Variants in FGD5 observed in about 807,000 individuals in gnomAD.
FGD5 encodes the protein FYVE, RhoGEF and PH domain containing 5.
In FGD5, 28 loss-of-function variants were observed where a neutral mutation model predicts 133.4. The ratio of observed to expected loss-of-function variants is 0.21; its 90% CI spans 0.16 to 0.29. The LOEUF (loss-of-function observed/expected upper bound fraction) is 0.29, where lower values mean the gene tolerates loss of function less well. Ranked by LOEUF, FGD5 falls within the 10% of genes least tolerant of loss-of-function variation. The pLI, the probability that FGD5 is intolerant of heterozygous loss-of-function variation, is 1.00. For synonymous variants in FGD5, 810 were observed against 776.5 expected (o/e 1.04, Z -0.72); for missense variants, 1,858 against 1,895.2 (o/e 0.98, Z 0.36).
At position 14,929,075 on chromosome 3, in the gene FGD5, ATT is replaced by A. The variant is rs2038861924; in HGVS notation, c.4197+2878_4197+2879del. 4.6e-5 allele frequency among the ~76,000 whole-genome samples: 7 copies of A among 152,144 alleles called. No homozygotes were observed. The South Asian group carries it at 6.2e-4, about 13-fold the overall frequency. On this transcript the variant is annotated intron_variant, in intron 18 of 19. Coordinates refer to ENST00000285046, the MANE Select transcript of FGD5 (RefSeq NM_152536.4). Reference sequence around the variant, plus strand: ...CTGTTCCAATTCTTTTCCACCATAGATTAGTTTTGCCTCTTGATCCTCAAACA... The same window carrying A: ...CTGTTCCAATTCTTTTCCACCATAGAAGTTTTGCCTCTTGATCCTCAAACA...
chr3:14,870,557 G>C (rs773298386), intron 2 of FGD5, among the ~76,000 whole-genome samples: 3 of 152,078 alleles, frequency 2.0e-5, no homozygotes, highest in African/African-American at 7.2e-5. Flanking sequence ...GTTCTCCTTC[G>C]TTTCTGACTG....
chr3:14,820,200 G>A lies in FGD5; in HGVS notation c.1129G>A (p.Ala377Thr), dbSNP rs552194479. ...ESAKGLESEQ[A>T]PKLGLRAEEN... ...AGCGAAAGGTTTAGAATCAGAGCAG[G>A]CACCAAAGCTGGGGCTGCGTGCGGA... The change falls in exon 1 of 20, where the codon GCA becomes ACA. Residue 377 changes from alanine (A) to threonine (T), a missense_variant. Ala to Thr is a moderately conservative substitution (Grantham distance 58). This residue lies in a region of FGD5 where 1,824 missense variants were observed against 1,848.9 expected (regional missense o/e 0.99). Transcript: ENST00000285046. The A allele has an allele frequency of 1.1e-5, 17 of 1,612,288 alleles. No individual in the cohort carries two copies. The highest frequency in any genetic ancestry group is 1.4e-5 in the Non-Finnish European group (17 of 1,178,790).
At chr3:14,888,291 C>A (rs1369667189) in intron 4 of FGD5, among the ~76,000 whole-genome samples, 2 of 152,148 alleles carry the variant, frequency 1.3e-5, no homozygotes, top group Non-Finnish European at 2.9e-5. Context: ...CTGAGCAAAT[C>A]TGAAGTCGAA....
intron 1 of FGD5, among the ~76,000 whole-genome samples, chr3:14,851,696 AG>A (rs991637164): frequency 2.6e-5 from 4 of 152,286 alleles, no homozygotes; most frequent in African/African-American, 9.6e-5. Flanking sequence ...AGGTTCCTGA[AG>A]ATCTTCTAAA....
intron 4 of FGD5, among the ~76,000 whole-genome samples, chr3:14,884,487 A>G (rs1410606468): frequency 6.6e-6 from 1 of 152,150 alleles, no homozygotes; most frequent in East Asian, 1.9e-4. Flanking sequence ...GAATGCATTC[A>G]CATCTCACAG....
At chr3:14,892,423 T>C (rs2038047447) in intron 4 of FGD5, among the ~76,000 whole-genome samples, 1 of 152,002 alleles carries the variant, frequency 6.6e-6, no homozygotes, top group Admixed American at 6.6e-5. Flanking sequence ...TCCATCCAAC[T>C]CTTAGTCTCA....
intron 2 of FGD5, among the ~76,000 whole-genome samples, chr3:14,878,562 CTATA>C (rs2037763985): frequency 6.6e-6 from 1 of 152,162 alleles, no homozygotes. Context: ...GAGAGATTCT[CTATA>C]TAGACACTCA....
chr3:14,918,619 C>G, intron 12 of FGD5, 135 bp from the exon 13 acceptor site: 1 of 823,222 alleles, frequency 1.2e-6, no homozygotes, highest in Non-Finnish European at 2.0e-6. Context: ...CCTACCATCA[C>G]AGAAAGGTAT....
chr3:14,819,697 C>G lies in FGD5; in HGVS notation c.626C>G (p.Thr209Ser), dbSNP rs2036442140. 6.5e-7 allele frequency: 1 copy of G among 1,537,552 alleles called. No individual in the cohort carries two copies. Among genetic ancestry groups the G allele is most frequent in the South Asian group, 1.2e-5 (1 of 81,322 alleles). Residue 209 changes from threonine (T) to serine (S), a missense_variant, in exon 1 of 20, where the codon ACC becomes AGC. Thr to Ser is a moderately conservative substitution (Grantham distance 58). Around this residue, in one of 3 missense-constraint regions of FGD5, gnomAD observed 1,824 missense variants for 1,848.9 expected, o/e 0.99. Coordinates refer to ENST00000285046, the MANE Select transcript of FGD5 (RefSeq NM_152536.4). The surrounding 1 kb of genome is among the most constrained non-coding windows in gnomAD (Gnocchi z 4.1). ...IHGEDQEPPD[T>S]PGEAEEDDEE... ...GGAGAGGACCAGGAGCCCCCCGACACCCCCGGGGAGGCAGAGGAGGATGAT... is the reference window on the plus strand; with the variant it reads ...GGAGAGGACCAGGAGCCCCCCGACAGCCCCGGGGAGGCAGAGGAGGATGAT...
At chr3:14,878,555 A>T (rs6809979) in intron 2 of FGD5, among the ~76,000 whole-genome samples, 2 of 151,912 alleles carry the variant, frequency 1.3e-5, no homozygotes, top group African/African-American at 2.4e-5. Context: ...CAAGTGTGAG[A>T]GATTCTCTAT....
chr3:14,888,002 C>A (rs1349734924), intron 4 of FGD5, among the ~76,000 whole-genome samples: 1 of 148,404 alleles, frequency 6.7e-6, no homozygotes. Context: ...CCCATCACTA[C>A]AAAAAAAAAA....
chr3:14,898,598 G>C, intron 6 of FGD5, 141 bp from the exon 7 acceptor site: 1 of 676,788 alleles, frequency 1.5e-6, no homozygotes, highest in Non-Finnish European at 2.6e-6. Context: ...CGCAGGAGGA[G>C]AACCTGGTTT....
rs1402867647 is a variant in FGD5, at chr3:14,819,217, G to T, written c.146G>T (p.Gly49Val). The change falls in exon 1 of 20, where the codon GGG becomes GTG. Residue 49 changes from glycine (G) to valine (V), a missense_variant. Transcript: ENST00000285046. This position sits in a 1 kb window ranked among gnomAD's most constrained non-coding sequence, Gnocchi z 4.1. ...TGTGTAGACAGGGGGCTTGATGAGG[G>T]GCCCCGGTCCATCCCAAAGTGCTCT... ...LPCVDRGLDEGPRSIPKCSES... is the reference protein window; with the variant it reads ...LPCVDRGLDEVPRSIPKCSES... 6.5e-7 allele frequency: 1 copy of T among 1,548,468 alleles called. No individual in the cohort carries two copies. Among genetic ancestry groups the T allele is most frequent in the Admixed American group, 2.0e-5 (1 of 50,310 alleles).
In FGD5 at chr3:14,897,333, G is replaced by T. The variant is rs540139929; in HGVS notation, c.2749-176G>T. On this transcript the variant is annotated intron_variant, in intron 4 of 19. Transcript: ENST00000285046. ...GCTCAGGCAGCCCTATGGTCGCCAGGTGCATGTGGTCATCTCTGCTTTGTA... is the reference window on the plus strand; with the variant it reads ...GCTCAGGCAGCCCTATGGTCGCCAGTTGCATGTGGTCATCTCTGCTTTGTA... 36 of 709,948 alleles carry T rather than the reference G, an allele frequency of 5.1e-5. No homozygotes were observed. In the African/African-American group the frequency reaches 6.0e-4, roughly 12 times the overall value. The allele number at this position is 709,948 out of a possible 1,614,324, so 44.0% of individuals were successfully genotyped here.
At chr3:14,907,805 C>G in intron 10 of FGD5, 94 bp downstream of exon 10, 2 of 1,275,538 alleles carry the variant, frequency 1.6e-6, no homozygotes, top group Non-Finnish European at 2.2e-6. Context: ...ACAGGCCTGG[C>G]TGCAGGTGCT....
In FGD5 at chr3:14,851,251, A is replaced by C. The variant is rs1206877471; in HGVS notation, c.2526-12877A>C. Reference sequence around the variant, plus strand: ...ATACCTCATTTACAGATGTCATCTCATCTGATCCCTACATAGACCCTCATA... The same window carrying C: ...ATACCTCATTTACAGATGTCATCTCCTCTGATCCCTACATAGACCCTCATA... On this transcript the variant is annotated intron_variant, in intron 1 of 19. Coordinates refer to ENST00000285046, the MANE Select transcript of FGD5 (RefSeq NM_152536.4). Among the ~76,000 whole-genome samples, 4 of 152,274 alleles carry C rather than the reference A, an allele frequency of 2.6e-5. No individual in the cohort carries two copies. In the South Asian group the frequency reaches 8.3e-4, roughly 32 times the overall value.
At position 14,918,873 on chromosome 3, in the gene FGD5, G is replaced by A. The variant is rs747756655; in HGVS notation, c.3569+40G>A. ...AGGGAGGATGGCGCACAAGGCAGAGGTGTGAGCATGGGAAGGTTCAGAACA... is the reference window on the plus strand; with the variant it reads ...AGGGAGGATGGCGCACAAGGCAGAGATGTGAGCATGGGAAGGTTCAGAACA... On this transcript the variant is annotated intron_variant, in intron 13 of 19. Transcript: ENST00000285046. 8.7e-6 allele frequency: 14 copies of A among 1,604,078 alleles called. No homozygotes were observed. The East Asian group carries it at 2.9e-4, about 33-fold the overall frequency.
intron 4 of FGD5, among the ~76,000 whole-genome samples, chr3:14,892,036 T>C (rs570116939): frequency 1.3e-5 from 2 of 151,978 alleles, no homozygotes; most frequent in South Asian, 4.2e-4. Flanking sequence ...CACCTCCCTG[T>C]CCTCTTTTCT....
At chr3:14,924,892 G>C (rs902354980) in intron 17 of FGD5, among the ~76,000 whole-genome samples, 8 of 151,974 alleles carry the variant, frequency 5.3e-5, no homozygotes, top group Non-Finnish European at 4.4e-5. Context: ...ACGAGGTCGG[G>C]AGATCCAGAC....
Sources: gnomAD v4.1 joint callset for allele counts (sites outside exome capture counted in the v4.1 genomes callset) on GRCh38, gnomAD v4.1.1 for gene constraint, gnomAD v4.1.1 regional missense constraint, Gnocchi (gnomAD v3.1) non-coding constraint, MANE v1.5 for transcripts, NCBI Gene and HGNC (gene_info 2026-07-23, HGNC 2026-07-21) for gene names.